SESN3: variants seen among roughly 807,000 people sequenced by gnomAD.
SESN3 encodes the protein sestrin-3.
A neutral mutation model predicts 55.3 loss-of-function variants in SESN3; 21 were observed. The ratio of observed to expected loss-of-function variants is 0.38; its 90% confidence interval spans 0.27 to 0.55. SESN3 has a LOEUF of 0.55. Among genes scored for constraint, SESN3 ranks in the 20% least tolerant of loss-of-function variants. The probability of loss-of-function intolerance (pLI) is 0.76; values close to 1 mark genes in which losing one functional copy is unlikely to be tolerated. For missense variants in SESN3, 408 were observed against 604.3 expected (o/e 0.68, Z 3.41); for synonymous variants, 181 against 203.1 (o/e 0.89, Z 0.93).
chr11:95,173,843 A>G (rs1859902124), intron 9 of SESN3, among the ~76,000 whole-genome samples: 2 of 152,270 alleles, frequency 1.3e-5, no homozygotes, highest in Admixed American at 1.3e-4. Flanking sequence ...GCTTCCCTAG[A>G]GTCTTTCAGA....
chr11:95,208,417 C>T (rs1291988457), intron 1 of SESN3, among the ~76,000 whole-genome samples: 1 of 151,302 alleles, frequency 6.6e-6, no homozygotes, highest in Non-Finnish European at 1.5e-5. Flanking sequence ...ATGTAATCTC[C>T]AAAAAATACA....
intron 7 of SESN3, among the ~76,000 whole-genome samples, 158 bp downstream of exon 7, chr11:95,178,552 C>T (rs565554102): frequency 1.3e-5 from 2 of 152,310 alleles, no homozygotes; most frequent in South Asian, 4.1e-4. Flanking sequence ...AATTATCCAT[C>T]TATTGGGAAC....
chr11:95,169,136 A>G lies in SESN3; in HGVS notation c.*4119T>C, dbSNP rs1859804080. 1 of 152,224 alleles carries G rather than the reference A, an allele frequency of 6.6e-6. No homozygotes were observed. 9.4% of individuals were successfully genotyped at this position (152,224 alleles called of 1,614,324 possible). On this transcript the variant is annotated 3_prime_UTR_variant, in exon 10 of 10. Transcript: ENST00000536441. Reference sequence around the variant, plus strand: ...GGGCAGATTCTAGGTCTGCTAACTAAGCCAAATTAGCATTGAAATAAGCTC... The same window carrying G: ...GGGCAGATTCTAGGTCTGCTAACTAGGCCAAATTAGCATTGAAATAAGCTC...
At chr11:95,194,477 G>A (rs532518514) in intron 1 of SESN3, among the ~76,000 whole-genome samples, 2 of 152,230 alleles carry the variant, frequency 1.3e-5, no homozygotes, top group South Asian at 2.1e-4. Flanking sequence ...AGGATACAGG[G>A]TGAGGAAAAC....
At chr11:95,203,625 T>C (rs1235630375) in intron 1 of SESN3, 1 of 152,196 alleles carries the variant, frequency 6.6e-6, no homozygotes, top group Non-Finnish European at 1.5e-5. Context: ...CTTTATTTTG[T>C]CAATCCTCAA....
chr11:95,217,434 T>G (rs1217083262), intron 1 of SESN3, among the ~76,000 whole-genome samples: 1 of 152,044 alleles, frequency 6.6e-6, no homozygotes, highest in Non-Finnish European at 1.5e-5. Context: ...GTGGATCACT[T>G]GAGGTCAGGA....
intron 4 of SESN3, among the ~76,000 whole-genome samples, 200 bp from the exon 5 acceptor site, chr11:95,185,692 T>G (rs1354204802): frequency 6.6e-6 from 1 of 152,114 alleles, no homozygotes; most frequent in Non-Finnish European, 1.5e-5. Context: ...TATAATTACA[T>G]TGTAGTGTCT....
intron 1 of SESN3, among the ~76,000 whole-genome samples, chr11:95,212,419 TATTA>T (rs1228782267): frequency 3.9e-5 from 6 of 152,078 alleles, no homozygotes; most frequent in Non-Finnish European, 7.4e-5. Context: ...CTAGCATACA[TATTA>T]ATTAAATAAT....
intron 1 of SESN3, among the ~76,000 whole-genome samples, chr11:95,211,899 G>C (rs1046161568): frequency 6.6e-6 from 1 of 152,148 alleles, no homozygotes. Flanking sequence ...GCTGGGTTTA[G>C]AAAACTATCA....
chr11:95,218,921 G>A (rs1246906102), intron 1 of SESN3, among the ~76,000 whole-genome samples: 3 of 152,066 alleles, frequency 2.0e-5, no homozygotes, highest in Non-Finnish European at 4.4e-5. Flanking sequence ...CAAAGTGCTG[G>A]GATTACAGGC....
At chr11:95,229,742 G>T (rs752108843) in intron 1 of SESN3, among the ~76,000 whole-genome samples, 3 of 152,040 alleles carry the variant, frequency 2.0e-5, no homozygotes, top group Admixed American at 6.5e-5. Context: ...GACTAAAAAC[G>T]GTACCATATT....
chr11:95,184,321 G>C, intron 6 of SESN3, 99 bp downstream of exon 6: 1 of 934,178 alleles, frequency 1.1e-6, no homozygotes, highest in East Asian at 2.5e-5. Context: ...AGAGAAAGAT[G>C]GTAGCAGAAT....
chr11:95,181,885 T>G (rs1860065267), intron 6 of SESN3, among the ~76,000 whole-genome samples: 1 of 152,128 alleles, frequency 6.6e-6, no homozygotes, highest in South Asian at 2.1e-4. Context: ...TTTTCTATAT[T>G]TTATTTGTGC....
chr11:95,232,400 G>C (rs1227040044), upstream of SESN3: 1 of 152,280 alleles, frequency 6.6e-6, no homozygotes, highest in Non-Finnish European at 1.5e-5. Context: ...CCTGATTGGT[G>C]CCCGGTCCTC....
intron 1 of SESN3, among the ~76,000 whole-genome samples, chr11:95,214,430 A>G (rs1410024320): frequency 6.6e-6 from 1 of 152,202 alleles, no homozygotes; most frequent in East Asian, 1.9e-4. Context: ...ACTGCAACTA[A>G]CTGAAACAAT....
At chr11:95,212,231 C>T (rs1860668892) in intron 1 of SESN3, among the ~76,000 whole-genome samples, 1 of 152,118 alleles carries the variant, frequency 6.6e-6, no homozygotes, top group African/African-American at 2.4e-5. Flanking sequence ...ATTATCCATG[C>T]TTTCACAAGT....
chr11:95,178,044 C>T, intron 7 of SESN3, 135 bp from the exon 8 acceptor site: 2 of 625,106 alleles, frequency 3.2e-6, no homozygotes, highest in Non-Finnish European at 5.4e-6. Context: ...TTTACTAAGG[C>T]TTTACCAATA....
rs377235021 is a variant in SESN3 at position 95,211,294 on chromosome 11, A to C, written c.79-17772T>G. Among the ~76,000 whole-genome samples the C allele has an allele frequency of 3.3e-5, 5 of 152,160 alleles. No homozygotes were observed. In the East Asian group the frequency reaches 7.7e-4, roughly 23 times the overall value. On this transcript the variant is annotated intron_variant, in intron 1 of 9. Transcript: ENST00000536441. ...CAGTGTCCTCTTCCCCTGGACTGTG[A>C]GTATATGTGACTAATAAACCACTGT...
chr11:95,206,344 G>A (rs538735713), intron 1 of SESN3, among the ~76,000 whole-genome samples: 48 of 145,768 alleles, frequency 3.3e-4, no homozygotes, highest in Non-Finnish European at 6.6e-4. Context: ...TTGGCATCCT[G>A]GATTTATGCC....
Sources: gnomAD v4.1 joint callset for allele counts (sites outside exome capture counted in the v4.1 genomes callset) on GRCh38, gnomAD v4.1.1 for gene constraint, MANE v1.5 for transcripts, NCBI Gene and HGNC (gene_info 2026-07-23, HGNC 2026-07-21) for gene names.